The following DGKB variants were observed in gnomAD, a reference collection of about 807,000 sequenced individuals.
The protein encoded by DGKB is 90 kDa diacylglycerol kinase.
Under a neutral mutation model 114.3 loss-of-function variants are expected in DGKB, and 67 were observed. The ratio of observed to expected loss-of-function variants is 0.59; its 90% CI spans 0.48 to 0.72. The LOEUF is 0.72. DGKB is among the 30% of genes least tolerant of loss of function. The pLI is 0.00. For missense variants in DGKB, 907 were observed against 975.2 expected (o/e 0.93, Z 0.93); for synonymous variants, 398 against 323.1 (o/e 1.23, Z -2.49).
In DGKB at chr7:14,899,886, T is replaced by G. The variant is rs183670590; in HGVS notation, c.-188+2706A>C. On this transcript the variant is annotated intron_variant, in intron 1 of 25. Coordinates refer to ENST00000402815, the MANE Select transcript of DGKB (RefSeq NM_001350709.2). ...AATTTTTTTTAAGTAGCAAAGCAGTTAAGAATTAGAGTTAGTCACATCGAG... is the reference window on the plus strand; with the variant it reads ...AATTTTTTTTAAGTAGCAAAGCAGTGAAGAATTAGAGTTAGTCACATCGAG... 1.8e-4 allele frequency among the ~76,000 whole-genome samples: 27 copies of G among 152,254 alleles called. No individual in the cohort carries two copies. In the East Asian group the frequency reaches 2.5e-3, roughly 14 times the overall value.
intron 21 of DGKB, among the ~76,000 whole-genome samples, chr7:14,392,995 G>GTTTTTGTTTTTGTTTTTTTTTTTTTTTT: frequency 1.5e-3 from 89 of 60,538 alleles, no homozygotes; most frequent in Non-Finnish European, 2.5e-3. Flanking sequence ...TTTTGTTTTT[G>GTTTTTGTTTTTGTTTTTTTTTTTTTTTT]TTTTTTTTTT....
intron 5 of DGKB, among the ~76,000 whole-genome samples, chr7:14,719,190 C>T (rs1379357693): frequency 1.3e-5 from 2 of 151,998 alleles, no homozygotes; most frequent in African/African-American, 4.8e-5. Context: ...AGAAGACATC[C>T]TTTTTTACCA....
chr7:14,784,369 T>G (rs1374529241), intron 2 of DGKB, among the ~76,000 whole-genome samples: 3 of 142,732 alleles, frequency 2.1e-5, no homozygotes, highest in Non-Finnish European at 4.6e-5. Context: ...ATTATATGCT[T>G]TTTTTTTTTT....
intron 20 of DGKB, among the ~76,000 whole-genome samples, chr7:14,545,480 A>G (rs1563466426): frequency 6.6e-6 from 1 of 152,210 alleles, no homozygotes; most frequent in African/African-American, 2.4e-5. Context: ...AAGCATACTG[A>G]GAAAACATCT....
intron 25 of DGKB, among the ~76,000 whole-genome samples, chr7:14,175,077 CTGTTTG>C (rs1229732417): frequency 2.6e-5 from 4 of 152,170 alleles, no homozygotes; most frequent in African/African-American, 9.7e-5. Flanking sequence ...CTAATCTGTG[CTGTTTG>C]AAATCTGTAA....
chr7:14,681,836 A>G (rs1820886241), intron 12 of DGKB, among the ~76,000 whole-genome samples: 1 of 152,104 alleles, frequency 6.6e-6, no homozygotes, highest in Non-Finnish European at 1.5e-5. Context: ...AGTGTCCCAG[A>G]AAAGACCAAT....
intron 23 of DGKB, among the ~76,000 whole-genome samples, chr7:14,233,528 C>G (rs1792245339): frequency 6.6e-6 from 1 of 152,046 alleles, no homozygotes; most frequent in South Asian, 2.1e-4. Context: ...ACACTAATGA[C>G]TCTTCCCTTA....
At chr7:14,868,384 G>A (rs1851983975) in intron 1 of DGKB, among the ~76,000 whole-genome samples, 1 of 149,172 alleles carries the variant, frequency 6.7e-6, no homozygotes, top group Non-Finnish European at 1.5e-5. Context: ...CACCCAGGCT[G>A]GAGTGCAGTG....
At chr7:14,640,015 A>G (rs2128871603) in intron 13 of DGKB, among the ~76,000 whole-genome samples, 1 of 152,362 alleles carries the variant, frequency 6.6e-6, no homozygotes, top group Non-Finnish European at 1.5e-5. Context: ...GTGAAGAGCC[A>G]GACAAGAGTC....
chr7:14,837,018 A>G (rs1333627220), intron 2 of DGKB, among the ~76,000 whole-genome samples: 1 of 152,182 alleles, frequency 6.6e-6, no homozygotes, highest in Non-Finnish European at 1.5e-5. Flanking sequence ...ATCACTAGCA[A>G]TTTGCCAGGC....
At chr7:14,320,078 A>G (rs1807447423) in intron 23 of DGKB, among the ~76,000 whole-genome samples, 1 of 152,164 alleles carries the variant, frequency 6.6e-6, no homozygotes, top group African/African-American at 2.4e-5. Context: ...ACAAAGCAAG[A>G]TAAACTATTC....
chr7:14,652,901 A>T (rs1320020271), intron 13 of DGKB, among the ~76,000 whole-genome samples: 1 of 152,172 alleles, frequency 6.6e-6, no homozygotes, highest in African/African-American at 2.4e-5. Flanking sequence ...AACACATGAA[A>T]AAATGCTCAT....
intron 23 of DGKB, among the ~76,000 whole-genome samples, chr7:14,283,136 C>T (rs1289054389): frequency 6.6e-6 from 1 of 151,696 alleles, no homozygotes; most frequent in African/African-American, 2.4e-5. Context: ...CCCAAAATCT[C>T]CTTAAGCTGA....
intron 1 of DGKB, among the ~76,000 whole-genome samples, chr7:14,893,197 G>A (rs895533245): frequency 9.9e-5 from 15 of 151,220 alleles, no homozygotes; most frequent in African/African-American, 2.2e-4. Flanking sequence ...GTTTTTGTCT[G>A]GGTTTCACCC....
chr7:14,382,420 T>C (rs575871015), intron 21 of DGKB, among the ~76,000 whole-genome samples: 44 of 150,788 alleles, frequency 2.9e-4, no homozygotes, highest in Admixed American at 1.8e-3. Context: ...TTGCTAATAA[T>C]CTTTTCAGTG....
chr7:14,858,734 G>A (rs1378415783), intron 1 of DGKB, among the ~76,000 whole-genome samples: 2 of 152,192 alleles, frequency 1.3e-5, no homozygotes, highest in African/African-American at 4.8e-5. Flanking sequence ...CGAGATATGA[G>A]TAGGAGCTTT....
At chr7:14,614,981 A>T (rs535900851) in intron 15 of DGKB, among the ~76,000 whole-genome samples, 4 of 152,214 alleles carry the variant, frequency 2.6e-5, no homozygotes, top group Non-Finnish European at 2.9e-5. Flanking sequence ...GCGGATTGCA[A>T]TGGGTACCCC....
intron 23 of DGKB, among the ~76,000 whole-genome samples, chr7:14,249,181 C>T (rs1267839906): frequency 1.3e-5 from 2 of 152,134 alleles, no homozygotes; most frequent in Admixed American, 1.3e-4. Flanking sequence ...TCCTTACATC[C>T]TTGGAATAAA....
chr7:14,179,060 A>C (rs1014267225), intron 23 of DGKB, among the ~76,000 whole-genome samples: 1 of 152,258 alleles, frequency 6.6e-6, no homozygotes, highest in Admixed American at 6.5e-5. Flanking sequence ...TTGATGCACT[A>C]TGCTACATTT....
Sources: allele counts gnomAD v4.1 joint callset (sites outside exome capture counted in the v4.1 genomes callset), GRCh38; gene constraint gnomAD v4.1.1; transcripts MANE v1.5; gene names NCBI Gene and HGNC (gene_info 2026-07-23, HGNC 2026-07-21).